Variants in MAF observed in about 807,000 individuals in gnomAD.
MAF encodes transcription factor Maf.
A neutral mutation model predicts 22.0 loss-of-function variants in MAF; 10 were observed. The observed-to-expected ratio is 0.45, with a 90% CI of 0.28 to 0.77. The LOEUF is 0.77. Ranked by LOEUF, MAF falls within the 30% of genes least tolerant of loss-of-function variation. MAF has a pLI of 0.12. For synonymous variants in MAF, 337 were observed against 255.8 expected, an observed-to-expected ratio of 1.32 and a Z score of -3.03; for missense variants, 544 against 548.4, an observed-to-expected ratio of 0.99 and a Z score of 0.08.
At chr16:79,550,036 T>A in the MAF span, among the ~76,000 whole-genome samples, 6 of 152,144 alleles carry the variant, frequency 3.9e-5, no homozygotes, top group Non-Finnish European at 1.5e-5. Flanking sequence ...CACTAATGTT[T>A]TACTTCCATC....
chr16:79,401,457 C>A, the MAF span, among the ~76,000 whole-genome samples: 1 of 152,132 alleles, frequency 6.6e-6, no homozygotes, highest in Non-Finnish European at 1.5e-5. Context: ...AGTGGGAAAA[C>A]TGGCATTTAA....
the MAF span, among the ~76,000 whole-genome samples, chr16:79,291,736 G>C: frequency 6.7e-6 from 1 of 149,224 alleles, no homozygotes; most frequent in Non-Finnish European, 1.5e-5. Context: ...TATTATATTA[G>C]ATATATTATT....
At chr16:79,549,992 A>C in the MAF span, among the ~76,000 whole-genome samples, 5 of 152,332 alleles carry the variant, frequency 3.3e-5, no homozygotes, top group Non-Finnish European at 4.4e-5. Context: ...CCTTGGTGGC[A>C]GTATAAACTG....
At chr16:79,378,453 C>T in the MAF span, among the ~76,000 whole-genome samples, 1 of 152,116 alleles carries the variant, frequency 6.6e-6, no homozygotes, top group African/African-American at 2.4e-5. Flanking sequence ...TGATCTGAGG[C>T]ATGTAAGGTG....
chr16:79,415,445 C>T, the MAF span, among the ~76,000 whole-genome samples: 2 of 151,866 alleles, frequency 1.3e-5, no homozygotes, highest in African/African-American at 2.4e-5. Flanking sequence ...TGGTTCAGGA[C>T]TCTAGCCATT....
chr16:79,438,328 G>A, the MAF span, among the ~76,000 whole-genome samples: 3 of 152,192 alleles, frequency 2.0e-5, no homozygotes, highest in South Asian at 6.2e-4. Context: ...TGGAGGTAGA[G>A]CAGTTAATAC....
the MAF span, among the ~76,000 whole-genome samples, chr16:79,213,292 C>T: frequency 1.4e-5 from 2 of 147,000 alleles, no homozygotes; most frequent in African/African-American, 2.7e-5. Flanking sequence ...TGGTGCAGAG[C>T]AGTCGAACAA....
chr16:79,316,664 A>G, the MAF span, among the ~76,000 whole-genome samples: 1 of 152,154 alleles, frequency 6.6e-6, no homozygotes, highest in South Asian at 2.1e-4. Flanking sequence ...CTTCAGAGGA[A>G]ACAGAAATGT....
intron 1 of MAF, among the ~76,000 whole-genome samples, chr16:79,587,469 C>A (rs914328216): frequency 6.6e-6 from 1 of 151,498 alleles, no homozygotes; most frequent in Non-Finnish European, 1.5e-5. Flanking sequence ...CTTTTAGAAA[C>A]GCCAGTGAAT....
At chr16:79,255,152 G>A in the MAF span, among the ~76,000 whole-genome samples, 1 of 152,172 alleles carries the variant, frequency 6.6e-6, no homozygotes, top group Non-Finnish European at 1.5e-5. Flanking sequence ...AATAACTGAT[G>A]CATATACACC....
chr16:79,283,129 A>AG, the MAF span, among the ~76,000 whole-genome samples: 1 of 152,242 alleles, frequency 6.6e-6, no homozygotes, highest in Non-Finnish European at 1.5e-5. Context: ...GCACAGTACC[A>AG]GGCATTGTGA....
At chr16:79,338,681 G>C in the MAF span, among the ~76,000 whole-genome samples, 1 of 152,094 alleles carries the variant, frequency 6.6e-6, no homozygotes, top group Non-Finnish European at 1.5e-5. Flanking sequence ...ACAGGAGGGA[G>C]AAAAGAGGGA....
chr16:79,433,733 A>T, the MAF span, among the ~76,000 whole-genome samples: 4 of 152,140 alleles, frequency 2.6e-5, no homozygotes, highest in African/African-American at 9.7e-5. Context: ...CACCTCCTGG[A>T]TGATAGTATC....
At chr16:79,582,269 C>T, downstream of MAF, among the ~76,000 whole-genome samples, 1 of 152,204 alleles carries the variant, frequency 6.6e-6, no homozygotes, top group East Asian at 1.9e-4. Context: ...ACATTGGCAT[C>T]TGTGAACGGC....
At chr16:79,475,009 C>A in the MAF span, among the ~76,000 whole-genome samples, 4 of 152,228 alleles carry the variant, frequency 2.6e-5, no homozygotes, top group Non-Finnish European at 1.5e-5. Context: ...AGAAGATGTT[C>A]ATTCTGTCTA....
the MAF span, among the ~76,000 whole-genome samples, chr16:79,241,880 GC>G: frequency 6.6e-6 from 1 of 151,992 alleles, no homozygotes; most frequent in Admixed American, 6.6e-5. Flanking sequence ...GAGAGTGGGG[GC>G]CAATATTCAA....
At chr16:79,381,437 G>A in the MAF span, among the ~76,000 whole-genome samples, 1 of 152,186 alleles carries the variant, frequency 6.6e-6, no homozygotes, top group Non-Finnish European at 1.5e-5. Context: ...GAAAACAGAA[G>A]GAAGAAAAAA....
the MAF span, among the ~76,000 whole-genome samples, chr16:79,347,478 G>C: frequency 2.2e-4 from 33 of 152,192 alleles, no homozygotes; most frequent in Non-Finnish European, 8.8e-5. Context: ...CTGTTTTAAT[G>C]GGCATCTGCG....
chr16:79,230,960 C>G, the MAF span, among the ~76,000 whole-genome samples: 1 of 152,104 alleles, frequency 6.6e-6, no homozygotes, highest in Non-Finnish European at 1.5e-5. Context: ...ACGGATATCA[C>G]TTGCCTAAAA....
Sources: allele counts gnomAD v4.1 joint callset (sites outside exome capture counted in the v4.1 genomes callset), GRCh38; gene constraint gnomAD v4.1.1; transcripts MANE v1.5; gene names NCBI Gene and HGNC (gene_info 2026-07-23, HGNC 2026-07-21).